EEPD1: variants seen among roughly 807,000 people sequenced by gnomAD.
EEPD1 encodes the protein endonuclease/exonuclease/phosphatase family domain containing 1.
A neutral mutation model predicts 46.3 loss-of-function variants in EEPD1; 17 were observed. The ratio of observed to expected loss-of-function variants is 0.37; its 90% CI spans 0.25 to 0.55. The LOEUF (loss-of-function observed/expected upper bound fraction) is 0.55. EEPD1 is among the 20% of genes least tolerant of loss of function. EEPD1 has a pLI of 0.83. For missense variants in EEPD1, 673 were observed against 745.6 expected, an observed-to-expected ratio of 0.90 and a Z score of 1.13; for synonymous variants, 313 against 315.6, an observed-to-expected ratio of 0.99 and a Z score of 0.09.
At chr7:36,234,540 C>T (rs1023885253) in intron 2 of EEPD1, among the ~76,000 whole-genome samples, 4 of 151,792 alleles carry the variant, frequency 2.6e-5, no homozygotes, top group Admixed American at 6.6e-5. Context: ...GGTGTGGTGG[C>T]GTGCGCCTGC....
intron 5 of EEPD1, among the ~76,000 whole-genome samples, chr7:36,285,218 C>G (rs1787325437): frequency 6.6e-6 from 1 of 152,206 alleles, no homozygotes; most frequent in Non-Finnish European, 1.5e-5. Flanking sequence ...CTTCAGTGAT[C>G]CTTCACCTTC....
intron 2 of EEPD1, among the ~76,000 whole-genome samples, chr7:36,210,009 T>C (rs1583810614): frequency 6.6e-6 from 1 of 151,494 alleles, no homozygotes; most frequent in Admixed American, 6.6e-5. Context: ...GTGGAGGAGG[T>C]CTCGGGGGAG....
intron 3 of EEPD1, among the ~76,000 whole-genome samples, chr7:36,277,298 C>T (rs1405918457): frequency 6.6e-6 from 1 of 152,220 alleles, no homozygotes; most frequent in Non-Finnish European, 1.5e-5. Context: ...TGGGCTTAAC[C>T]TTTCTGTGCA....
intron 2 of EEPD1, among the ~76,000 whole-genome samples, chr7:36,162,365 G>T (rs937081057): frequency 3.3e-5 from 5 of 152,234 alleles, no homozygotes; most frequent in African/African-American, 1.2e-4. Flanking sequence ...GCCTGGGTTG[G>T]CTGGGCACGG....
chr7:36,236,920 AG>A (rs1400903678), intron 2 of EEPD1, among the ~76,000 whole-genome samples: 5 of 152,222 alleles, frequency 3.3e-5, no homozygotes, highest in Non-Finnish European at 7.3e-5. Context: ...CCTAGCCAGC[AG>A]GGGCAACCCG....
intron 2 of EEPD1, among the ~76,000 whole-genome samples, chr7:36,205,168 T>C (rs1264746393): frequency 6.6e-6 from 1 of 151,290 alleles, no homozygotes; most frequent in African/African-American, 2.4e-5. Flanking sequence ...GGGAGGGGGG[T>C]CACCAGGATA....
intron 2 of EEPD1, among the ~76,000 whole-genome samples, chr7:36,238,456 G>A (rs1226193992): frequency 1.3e-5 from 2 of 152,140 alleles, no homozygotes; most frequent in Non-Finnish European, 2.9e-5. Flanking sequence ...GTGTGAATTT[G>A]ACTACTCTAA....
intron 2 of EEPD1, among the ~76,000 whole-genome samples, chr7:36,211,251 A>G (rs978825472): frequency 4.6e-5 from 7 of 152,220 alleles, no homozygotes; most frequent in African/African-American, 1.4e-4. Context: ...AATGAATAGC[A>G]TGATAGTAAA....
chr7:36,287,819 A>G lies in EEPD1; in HGVS notation c.1315+42A>G, dbSNP rs769383548. On this transcript the variant is annotated intron_variant, in intron 6 of 7. Coordinates refer to ENST00000242108, the MANE Select transcript of EEPD1 (RefSeq NM_030636.3). ...TGCTGTGACTCGGCCACTGTTTTGC[A>G]GAGCAGCAGGGCTGCCTCTTCTGAG... 8 of 1,603,970 alleles carry G rather than the reference A, an allele frequency of 5.0e-6. No homozygotes were observed. The South Asian group carries it at 6.7e-5, about 13-fold the overall frequency.
At chr7:36,219,311 CTCGTGGTCATTTTACAGGAAAAAAAAAA>C (rs1258679262) in intron 2 of EEPD1, among the ~76,000 whole-genome samples, 1 of 150,300 alleles carries the variant, frequency 6.7e-6, no homozygotes, top group Non-Finnish European at 1.5e-5. Flanking sequence ...AAAGCCTAAA[CTCGTGGTCATTTTACAGGAAAAAAAAAA>C]TCAAGTAACA....
chr7:36,215,500 A>G (rs1786013550), intron 2 of EEPD1, among the ~76,000 whole-genome samples: 1 of 152,222 alleles, frequency 6.6e-6, no homozygotes, highest in Non-Finnish European at 1.5e-5. Flanking sequence ...ATCCCCACAC[A>G]TCCGGAAGCT....
intron 2 of EEPD1, among the ~76,000 whole-genome samples, chr7:36,177,433 A>G (rs1188440743): frequency 1.3e-5 from 2 of 152,058 alleles, no homozygotes; most frequent in Non-Finnish European, 2.9e-5. Flanking sequence ...CCTCCCTTCT[A>G]GTAGTCCCCA....
chr7:36,159,212 G>A (rs1366710926), intron 2 of EEPD1, among the ~76,000 whole-genome samples: 1 of 152,188 alleles, frequency 6.6e-6, no homozygotes, highest in Non-Finnish European at 1.5e-5. Flanking sequence ...GATCAGCTTC[G>A]CCCTGTTACT....
intron 2 of EEPD1, among the ~76,000 whole-genome samples, chr7:36,231,813 G>A (rs1477010): frequency 0.083 from 12,632 of 152,270 alleles, 667 homozygotes; most frequent in East Asian, 0.19. Flanking sequence ...GATTTAGTAC[G>A]TGGGCTTATT....
intron 2 of EEPD1, among the ~76,000 whole-genome samples, chr7:36,158,680 A>T (rs1254904645): frequency 6.6e-6 from 1 of 152,246 alleles, no homozygotes; most frequent in Non-Finnish European, 1.5e-5. Flanking sequence ...AGTCTTAGGC[A>T]ATACTCTTCC....
rs139573165 is a variant in EEPD1 at position 36,173,294 on chromosome 7, G to A, written c.878+18092G>A. On this transcript the variant is annotated intron_variant, in intron 2 of 7. Transcript: ENST00000242108. The stretch of plus-strand genomic sequence containing the variant: ...ACGAGGTCAGGAGATTGAGACCATC[G>A]TGGCCAACATGGTGAAAGCCCGTTT... 3.7e-3 allele frequency among the ~76,000 whole-genome samples: 538 copies of A among 145,374 alleles called. 4 individuals are homozygous for A. The highest frequency in any genetic ancestry group is 0.013 in the African/African-American group (515 of 38,934).
At chr7:36,188,462 T>C (rs1232181545) in intron 2 of EEPD1, among the ~76,000 whole-genome samples, 1 of 152,142 alleles carries the variant, frequency 6.6e-6, no homozygotes, top group Non-Finnish European at 1.5e-5. Context: ...TCATGACCTT[T>C]GATGCATGTG....
intron 2 of EEPD1, among the ~76,000 whole-genome samples, chr7:36,237,476 C>G (rs1786474423): frequency 6.6e-6 from 1 of 152,092 alleles, no homozygotes; most frequent in Non-Finnish European, 1.5e-5. Flanking sequence ...AATTCCATAC[C>G]TTTTAAACAA....
chr7:36,283,939 T>C lies in EEPD1; in HGVS notation c.1042-747T>C, dbSNP rs546522314. On this transcript the variant is annotated intron_variant, in intron 4 of 7. Transcript: ENST00000242108. ...AAGCATTCTCATGGACAGCAGAGGC[T>C]GTGGTGGGGTAGAAAGGAGAAGTGT... Among the ~76,000 whole-genome samples, 3 of 152,332 alleles carry C rather than the reference T, an allele frequency of 2.0e-5. No homozygotes were observed. In the South Asian group the frequency reaches 6.2e-4, roughly 32 times the overall value.
Sources: gnomAD v4.1 joint callset for allele counts (sites outside exome capture counted in the v4.1 genomes callset) on GRCh38, gnomAD v4.1.1 for gene constraint, MANE v1.5 for transcripts, NCBI Gene and HGNC (gene_info 2026-07-23, HGNC 2026-07-21) for gene names.